PROCR: variants seen among roughly 807,000 people sequenced by gnomAD.
PROCR encodes protein C receptor, also known as endothelial protein C receptor.
Under a neutral mutation model 24.2 loss-of-function variants are expected in PROCR, and 22 were observed. That is an observed-to-expected ratio of 0.91 (90% CI 0.65 to 1.30). The LOEUF (loss-of-function observed/expected upper bound fraction) is 1.30, where lower values mean the gene tolerates loss of function less well. Among genes scored for constraint, PROCR ranks in the 50% most tolerant of loss-of-function variants. The pLI is 0.00. For synonymous variants in PROCR, 137 were observed against 139.2 expected (o/e 0.98, Z 0.11); for missense variants, 288 against 307.7 (o/e 0.94, Z 0.48).
At chr20:35,186,928 G>T (rs2086132637) in intron 1 of PROCR, among the ~76,000 whole-genome samples, 1 of 151,724 alleles carries the variant, frequency 6.6e-6, no homozygotes, top group Non-Finnish European at 1.5e-5. Flanking sequence ...ACTCCAGCCT[G>T]GGCAACAAAG....
chr20:35,208,600 A>G (rs1040994657), intron 1 of PROCR, among the ~76,000 whole-genome samples: 6 of 152,186 alleles, frequency 3.9e-5, no homozygotes, highest in African/African-American at 1.4e-4. Flanking sequence ...AATAGGTTTT[A>G]AATCACAAAA....
intron 3 of PROCR, 100 bp downstream of exon 3, chr20:35,176,546 C>CA: frequency 3.8e-6 from 6 of 1,598,928 alleles, no homozygotes; most frequent in Non-Finnish European, 5.1e-6. Context: ...ACAAGAGGCC[C>CA]ACAGCTGGGG....
chr20:35,193,719 A>G (rs1213713583), intron 1 of PROCR, among the ~76,000 whole-genome samples: 1 of 152,220 alleles, frequency 6.6e-6, no homozygotes. Flanking sequence ...TTATGTACAT[A>G]CTACATTTGA....
chr20:35,173,412 CTTTCTTT>C (rs1429228435), intron 1 of PROCR, among the ~76,000 whole-genome samples: 113 of 120,014 alleles, frequency 9.4e-4, no homozygotes, highest in South Asian at 7.8e-3. Context: ...CTTTGCTTTT[CTTTCTTT>C]TTTCTTTTTT....
At position 35,176,252 on chromosome 20, in the gene PROCR, A is replaced by T. The variant is rs762010333; in HGVS notation, c.407A>T (p.Asn136Ile). The T allele has an allele frequency of 6.2e-7, 1 of 1,614,100 alleles. No individual in the cohort carries two copies. The highest frequency in any genetic ancestry group is 1.7e-5 in the Admixed American group (1 of 60,002). ...CATGTCTTCTTCGAAGTGGCTGTGAATGGGAGCTCCTTTGTGAGTTTCCGG... is the reference window on the plus strand; with the variant it reads ...CATGTCTTCTTCGAAGTGGCTGTGATTGGGAGCTCCTTTGTGAGTTTCCGG... ...RAHVFFEVAV[N>I]GSSFVSFRPE... Residue 136 changes from asparagine to isoleucine, a missense_variant, in exon 3 of 4, where the codon AAT becomes ATT. Coordinates refer to ENST00000216968, the MANE Select transcript of PROCR (RefSeq NM_006404.5).
chr20:35,192,631 G>A (rs1427718157), intron 1 of PROCR, among the ~76,000 whole-genome samples: 3 of 152,144 alleles, frequency 2.0e-5, no homozygotes, highest in South Asian at 2.1e-4. Context: ...GGGAGCCATC[G>A]TATGAGGGTG....
In PROCR at chr20:35,174,892, G is replaced by GTCCTACCTGCTCCAGT. The variant is rs747507293; in HGVS notation, c.265_280dup (p.His94LeufsTer31). 1.9e-6 allele frequency: 3 copies of GTCCTACCTGCTCCAGT among 1,611,070 alleles called. No individual in the cohort carries two copies. In the South Asian group the frequency reaches 3.3e-5, roughly 18 times the overall value. ...GGGCGCGCACGCAGAGTGGCCTGCA[G>GTCCTACCTGCTCCAGT]TCCTACCTGCTCCAGTTCCACGGCC... On this transcript the variant is annotated frameshift_variant, in exon 2 of 4. Coordinates refer to ENST00000216968, the MANE Select transcript of PROCR (RefSeq NM_006404.5). LOFTEE classifies it high-confidence loss of function.
At chr20:35,181,027 C>T (rs1458989543), downstream of PROCR, among the ~76,000 whole-genome samples, 2 of 151,554 alleles carry the variant, frequency 1.3e-5, no homozygotes, top group Admixed American at 6.6e-5. Context: ...CCACCACGCC[C>T]GGCTAATTTT....
chr20:35,210,413 GGCACAC>G (rs534481996), intron 1 of PROCR, among the ~76,000 whole-genome samples: 53 of 151,924 alleles, frequency 3.5e-4, no homozygotes, highest in African/African-American at 1.2e-3. Context: ...TGGGTGTGGT[GGCACAC>G]GCCTGTAGTC....
At chr20:35,186,997 T>C (rs1252090781) in intron 1 of PROCR, among the ~76,000 whole-genome samples, 5 of 151,890 alleles carry the variant, frequency 3.3e-5, no homozygotes. Context: ...TTTAAGTCAG[T>C]GGCCTGCAAA....
intron 1 of PROCR, among the ~76,000 whole-genome samples, chr20:35,201,196 A>G (rs2060316928): frequency 6.6e-6 from 1 of 152,042 alleles, no homozygotes; most frequent in African/African-American, 2.4e-5. Flanking sequence ...AAAGATATAG[A>G]CAACCAATAT....
rs190425404 is a variant in PROCR, at chr20:35,213,766, G to C, written c.95-2127G>C. Among the ~76,000 whole-genome samples the C allele has an allele frequency of 2.6e-3, 390 of 151,822 alleles. 1 individual carries two copies. Among genetic ancestry groups the C allele is most frequent in the African/African-American group, 9.1e-3 (375 of 41,186 alleles). On this transcript the variant is annotated intron_variant, in intron 1 of 1. Coordinates refer to the PROCR transcript ENST00000634509. ...TTAAAAAGTCAAAAGATACAAAAAG[G>C]TATACAGTGAGAAAAATCTCCTTCC...
chr20:35,192,112 A>G (rs1044195505), intron 1 of PROCR, among the ~76,000 whole-genome samples: 9 of 152,246 alleles, frequency 5.9e-5, no homozygotes, highest in African/African-American at 1.9e-4. Flanking sequence ...ATACAGGCCA[A>G]TTAGAACTTT....
chr20:35,201,587 C>T (rs989348621), intron 1 of PROCR, among the ~76,000 whole-genome samples: 1 of 151,950 alleles, frequency 6.6e-6, no homozygotes, highest in African/African-American at 2.4e-5. Flanking sequence ...ACTCGGGAGG[C>T]TGAGGCATGA....
intron 1 of PROCR, among the ~76,000 whole-genome samples, chr20:35,208,551 G>C (rs1015995607): frequency 6.6e-6 from 1 of 152,118 alleles, no homozygotes; most frequent in Admixed American, 6.6e-5. Flanking sequence ...GACTCTCTCA[G>C]TATCCGCGTA....
At chr20:35,176,085 A>G (rs1415681123) in intron 2 of PROCR, 83 bp from the exon 3 acceptor site, 2 of 1,466,774 alleles carry the variant, frequency 1.4e-6, no homozygotes, top group Admixed American at 1.7e-5. Flanking sequence ...TTGCCTTCTC[A>G]TGTTCTTTTC....
downstream of PROCR, among the ~76,000 whole-genome samples, chr20:35,181,720 G>A (rs561471347): frequency 9.3e-4 from 141 of 152,270 alleles, no homozygotes; most frequent in Admixed American, 1.2e-3. Context: ...AAAACGGAAC[G>A]CCTCCTGCTT....
At chr20:35,197,674 T>C (rs2060302946) in intron 1 of PROCR, among the ~76,000 whole-genome samples, 1 of 150,870 alleles carries the variant, frequency 6.6e-6, no homozygotes, top group Admixed American at 6.6e-5. Flanking sequence ...ATACAAAAAT[T>C]AGCCTGGCAT....
chr20:35,177,516 T>C (rs1284910167), downstream of PROCR, among the ~76,000 whole-genome samples: 4 of 143,208 alleles, frequency 2.8e-5, no homozygotes, highest in African/African-American at 1.0e-4. Flanking sequence ...TGGTGTGATC[T>C]CAGCTCACTG....
Sources: allele counts gnomAD v4.1 joint callset (sites outside exome capture counted in the v4.1 genomes callset), GRCh38; gene constraint gnomAD v4.1.1; transcripts MANE v1.5; gene names NCBI Gene and HGNC (gene_info 2026-07-23, HGNC 2026-07-21).